Variants in SYT9 observed in about 807,000 individuals in gnomAD.
SYT9 encodes synaptotagmin-9.
A neutral mutation model predicts 48.4 loss-of-function variants in SYT9; 22 were observed. The ratio of observed to expected loss-of-function variants is 0.45; its 90% CI spans 0.32 to 0.65. The LOEUF (loss-of-function observed/expected upper bound fraction) is 0.65. SYT9 is among the 30% of genes least tolerant of loss of function. The pLI is 0.03. For synonymous variants in SYT9, 265 were observed against 245.0 expected (o/e 1.08, Z -0.76); for missense variants, 577 against 622.0 (o/e 0.93, Z 0.77).
At chr11:7,297,235 C>A (rs1848831356) in intron 1 of SYT9, among the ~76,000 whole-genome samples, 1 of 152,080 alleles carries the variant, frequency 6.6e-6, no homozygotes, top group South Asian at 2.1e-4. Context: ...TTCTGCCTAC[C>A]AAAATATGTT....
intron 1 of SYT9, among the ~76,000 whole-genome samples, chr11:7,289,874 C>T (rs1357375221): frequency 6.6e-6 from 1 of 152,154 alleles, no homozygotes; most frequent in Non-Finnish European, 1.5e-5. Context: ...TTAGAAGAAG[C>T]CATCTTATTT....
At chr11:7,338,061 G>A (rs1030950778) in intron 3 of SYT9, among the ~76,000 whole-genome samples, 2 of 152,100 alleles carry the variant, frequency 1.3e-5, no homozygotes, top group Non-Finnish European at 2.9e-5. Flanking sequence ...CCTGTTAAGG[G>A]ATTCTGTTTC....
intron 6 of SYT9, among the ~76,000 whole-genome samples, chr11:7,452,150 G>T (rs11041387): frequency 0.15 from 17,566 of 120,700 alleles, 1,799 homozygotes; most frequent in African/African-American, 0.39. Context: ...CACACACACT[G>T]AGGAAAAACA....
chr11:7,294,364 C>G (rs1327493947), intron 1 of SYT9, among the ~76,000 whole-genome samples: 2 of 152,166 alleles, frequency 1.3e-5, no homozygotes, highest in South Asian at 2.1e-4. Flanking sequence ...TACCTCATTC[C>G]AGCATTAACT....
intron 6 of SYT9, chr11:7,454,257 C>T (rs1590042270): frequency 1.0e-6 from 1 of 985,412 alleles, no homozygotes; most frequent in African/African-American, 1.7e-5. Context: ...TGTCTTCCTC[C>T]CATTTGTCTC....
intron 3 of SYT9, among the ~76,000 whole-genome samples, chr11:7,395,931 T>C (rs1368085502): frequency 2.0e-5 from 3 of 152,120 alleles, no homozygotes; most frequent in Non-Finnish European, 4.4e-5. Flanking sequence ...ATAGAGTCTT[T>C]GGCTTATGTA....
chr11:7,332,309 G>A (rs552870284), intron 3 of SYT9, among the ~76,000 whole-genome samples: 2 of 152,300 alleles, frequency 1.3e-5, no homozygotes, highest in Admixed American at 6.5e-5. Flanking sequence ...CTGGGAAAGG[G>A]TATAACTTGC....
At chr11:7,442,105 G>A (rs898704281) in intron 6 of SYT9, among the ~76,000 whole-genome samples, 1 of 152,088 alleles carries the variant, frequency 6.6e-6, no homozygotes, top group Non-Finnish European at 1.5e-5. Context: ...CAGACCAGCA[G>A]CGCCCACTGA....
chr11:7,441,161 A>C (rs1847823213), intron 6 of SYT9: 1 of 152,282 alleles, frequency 6.6e-6, no homozygotes, highest in East Asian at 1.9e-4. Flanking sequence ...AGACAGATTA[A>C]TGTGCTATAC....
At chr11:7,421,247 G>A (rs1207960500) in intron 6 of SYT9, among the ~76,000 whole-genome samples, 2 of 152,186 alleles carry the variant, frequency 1.3e-5, no homozygotes, top group African/African-American at 4.8e-5. Flanking sequence ...CACAGTCCCA[G>A]TGTGGCTTTG....
upstream of SYT9, among the ~76,000 whole-genome samples, chr11:7,251,107 C>CACACACACACAT (rs1466684330): frequency 6.7e-6 from 1 of 148,378 alleles, no homozygotes; most frequent in East Asian, 2.0e-4. Flanking sequence ...GTGACACACA[C>CACACACACACAT]ACACACACAC....
At chr11:7,297,521 A>G (rs556721528) in intron 1 of SYT9, among the ~76,000 whole-genome samples, 2 of 152,296 alleles carry the variant, frequency 1.3e-5, no homozygotes, top group African/African-American at 4.8e-5. Flanking sequence ...TGTTTTGTCA[A>G]TGTGTCTTAG....
At chr11:7,258,805 G>A (rs1589891540) in intron 1 of SYT9, among the ~76,000 whole-genome samples, 1 of 152,016 alleles carries the variant, frequency 6.6e-6, no homozygotes, top group Non-Finnish European at 1.5e-5. Flanking sequence ...CCTTTCAGCC[G>A]TGGTCCACAA....
At chr11:7,394,078 A>G (rs868638073) in intron 3 of SYT9, among the ~76,000 whole-genome samples, 1 of 151,948 alleles carries the variant, frequency 6.6e-6, no homozygotes, top group South Asian at 2.1e-4. Context: ...ATCATTTAAC[A>G]TTAGGTATAT....
intron 3 of SYT9, among the ~76,000 whole-genome samples, chr11:7,331,053 C>T (rs1849518734): frequency 6.6e-6 from 1 of 151,844 alleles, no homozygotes; most frequent in Admixed American, 6.6e-5. Context: ...TCTCCTCAGC[C>T]TCCCAAAGTA....
intron 1 of SYT9, among the ~76,000 whole-genome samples, chr11:7,290,035 C>T (rs75396011): frequency 0.018 from 2,674 of 152,242 alleles, 64 homozygotes; most frequent in African/African-American, 0.062. Flanking sequence ...CAGACAGATC[C>T]GTGATCTGGG....
chr11:7,397,824 T>C (rs1302499047), intron 3 of SYT9, among the ~76,000 whole-genome samples: 1 of 152,232 alleles, frequency 6.6e-6, no homozygotes, highest in Non-Finnish European at 1.5e-5. Flanking sequence ...AAAAATCATA[T>C]TGCTTTTGTA....
intron 1 of SYT9, among the ~76,000 whole-genome samples, chr11:7,299,456 A>T (rs1200577653): frequency 6.6e-6 from 1 of 152,182 alleles, no homozygotes; most frequent in Non-Finnish European, 1.5e-5. Flanking sequence ...TTCTCTCTGG[A>T]CCACTGCTAA....
intron 3 of SYT9, among the ~76,000 whole-genome samples, chr11:7,367,599 C>G (rs1467843503): frequency 6.6e-6 from 1 of 151,912 alleles, no homozygotes. Context: ...TAAGCCATTT[C>G]CTTTTCTTCT....
Sources: gnomAD v4.1 joint callset for allele counts (sites outside exome capture counted in the v4.1 genomes callset) on GRCh38, gnomAD v4.1.1 for gene constraint, MANE v1.5 for transcripts, NCBI Gene and HGNC (gene_info 2026-07-23, HGNC 2026-07-21) for gene names.